Variants in MDGA2 observed in about 807,000 individuals in gnomAD.
MDGA2 encodes MAM domain-containing glycosylphosphatidylinositol anchor protein 2.
MDGA2 carries 40 observed loss-of-function variants against 117.8 expected under a neutral mutation model. That is an observed-to-expected ratio of 0.34 (90% CI 0.26 to 0.44). The LOEUF is 0.44. Among genes scored for constraint, MDGA2 ranks in the 20% least tolerant of loss-of-function variants. MDGA2 has a pLI of 1.00. For missense variants in MDGA2, 1,123 were observed against 1,250.6 expected, an observed-to-expected ratio of 0.90 and a Z score of 1.54; for synonymous variants, 452 against 439.0, an observed-to-expected ratio of 1.03 and a Z score of -0.37.
intron 12 of MDGA2, among the ~76,000 whole-genome samples, chr14:46,876,246 A>G (rs1362527553): frequency 1.3e-5 from 2 of 151,588 alleles, no homozygotes; most frequent in African/African-American, 2.4e-5. Flanking sequence ...AAATTTATAA[A>G]AAGTTGGCAG....
At position 47,498,035 on chromosome 14, in the gene MDGA2, T is replaced by C. The variant is rs375407251; in HGVS notation, c.280+176482A>G. ...ATTCACTTTGTATGTTACTTTCTAA[T>C]AAATATTCCTTTAAGTAAGGATTAG... On this transcript the variant is annotated intron_variant, in intron 1 of 16. Transcript: ENST00000399232. Among the ~76,000 whole-genome samples, 18 of 152,342 alleles carry C rather than the reference T, an allele frequency of 1.2e-4. No homozygotes were observed. In the East Asian group the frequency reaches 3.5e-3, roughly 29 times the overall value.
Position 47,486,849 on chromosome 14 carries a change from G to A in MDGA2, c.281-185299C>T, listed in dbSNP as rs147155830. On this transcript the variant is annotated intron_variant, in intron 1 of 16. Transcript: ENST00000399232. Reference sequence around the variant, plus strand: ...GAGGCTTCCTCAGCCATGTGGAACTGTAAATCCAATTAAACCTCTTTATTT... The same window carrying A: ...GAGGCTTCCTCAGCCATGTGGAACTATAAATCCAATTAAACCTCTTTATTT... 6.8e-4 allele frequency among the ~76,000 whole-genome samples: 103 copies of A among 152,266 alleles called. 1 individual carries two copies. Among genetic ancestry groups the A allele is most frequent in the Middle Eastern group, 3.4e-3 (1 of 294 alleles).
chr14:47,168,367 C>A (rs1442962256), intron 3 of MDGA2, among the ~76,000 whole-genome samples: 1 of 148,906 alleles, frequency 6.7e-6, no homozygotes, highest in African/African-American at 2.5e-5. Flanking sequence ...CATCTATATT[C>A]TATATAATTT....
chr14:47,263,924 C>T (rs1006097242), intron 2 of MDGA2, among the ~76,000 whole-genome samples: 2 of 152,274 alleles, frequency 1.3e-5, no homozygotes, highest in African/African-American at 4.8e-5. Context: ...CCTGTGACCA[C>T]ACTTACATCT....
chr14:47,616,659 T>C (rs1896953201), intron 1 of MDGA2, among the ~76,000 whole-genome samples: 1 of 152,102 alleles, frequency 6.6e-6, no homozygotes, highest in Admixed American at 6.6e-5. Flanking sequence ...ACAACTGAAA[T>C]CTCACTAATT....
chr14:47,157,237 G>C (rs1192017173), intron 3 of MDGA2, among the ~76,000 whole-genome samples: 1 of 152,090 alleles, frequency 6.6e-6, no homozygotes, highest in Non-Finnish European at 1.5e-5. Context: ...AAGACAAAAT[G>C]AATACTTACA....
chr14:47,255,308 GACAA>G (rs1434771180), intron 2 of MDGA2, among the ~76,000 whole-genome samples: 2 of 152,182 alleles, frequency 1.3e-5, no homozygotes, highest in Non-Finnish European at 2.9e-5. Context: ...GGTTTGACTA[GACAA>G]ACAACCCTCC....
At chr14:47,199,038 T>A (rs906540731) in intron 3 of MDGA2, among the ~76,000 whole-genome samples, 1 of 152,124 alleles carries the variant, frequency 6.6e-6, no homozygotes, top group African/African-American at 2.4e-5. Flanking sequence ...TAAGTTTCCA[T>A]CCTGCTGCTT....
chr14:47,635,381 T>C (rs915323740), intron 1 of MDGA2, among the ~76,000 whole-genome samples: 2 of 152,108 alleles, frequency 1.3e-5, no homozygotes, highest in African/African-American at 4.8e-5. Flanking sequence ...GAATATGATA[T>C]CATCAATTTA....
intron 7 of MDGA2, among the ~76,000 whole-genome samples, chr14:47,049,339 T>A (rs947390344): frequency 6.6e-6 from 1 of 152,060 alleles, no homozygotes; most frequent in Non-Finnish European, 1.5e-5. Context: ...TACCAAAATC[T>A]GTAGGTTTTC....
intron 1 of MDGA2, among the ~76,000 whole-genome samples, chr14:47,318,508 C>T (rs140021898): frequency 1.1e-3 from 171 of 152,226 alleles, no homozygotes; most frequent in African/African-American, 3.5e-3. Flanking sequence ...GTACTCAGAG[C>T]TCCATAAACC....
At position 46,864,399 on chromosome 14, in the gene MDGA2, C is replaced by G. The variant is rs1157918479; in HGVS notation, c.2752+9034G>C. On this transcript the variant is annotated intron_variant, in intron 14 of 16. Transcript: ENST00000399232. Reference sequence around the variant, plus strand: ...TAATTATTTTGCCTTATTTTTATGTCTTTACATTTTAGTTCTTTACATTTT... The same window carrying G: ...TAATTATTTTGCCTTATTTTTATGTGTTTACATTTTAGTTCTTTACATTTT... Among the ~76,000 whole-genome samples, 12 of 150,820 alleles carry G rather than the reference C, an allele frequency of 8.0e-5. No individual in the cohort carries two copies. The Admixed American group carries it at 8.0e-4, about 10-fold the overall frequency.
intron 2 of MDGA2, among the ~76,000 whole-genome samples, chr14:47,289,823 A>G (rs951941809): frequency 6.6e-6 from 1 of 152,212 alleles, no homozygotes; most frequent in Middle Eastern, 3.4e-3. Context: ...ATTAAAATAC[A>G]TAGATTTCAC....
intron 1 of MDGA2, among the ~76,000 whole-genome samples, chr14:47,518,927 G>A (rs1425325259): frequency 6.6e-6 from 1 of 152,146 alleles, no homozygotes; most frequent in Non-Finnish European, 1.5e-5. Flanking sequence ...TTATAGGCTG[G>A]GCACAGTGGC....
intron 7 of MDGA2, among the ~76,000 whole-genome samples, chr14:47,040,758 A>C (rs1007157594): frequency 6.6e-6 from 1 of 152,110 alleles, no homozygotes; most frequent in Non-Finnish European, 1.5e-5. Context: ...CTGACTACAC[A>C]CTACGTTGTA....
intron 7 of MDGA2, among the ~76,000 whole-genome samples, chr14:47,044,340 G>C (rs891566176): frequency 6.6e-6 from 1 of 152,040 alleles, no homozygotes; most frequent in Non-Finnish European, 1.5e-5. Context: ...ATGATGCAAG[G>C]AGGTAGAAAT....
intron 15 of MDGA2, among the ~76,000 whole-genome samples, chr14:46,846,595 A>G (rs1341892754): frequency 6.6e-6 from 1 of 152,156 alleles, no homozygotes; most frequent in African/African-American, 2.4e-5. Flanking sequence ...ATCCTTTATT[A>G]TTAAATACTT....
chr14:47,338,388 T>TACATATC (rs1385829080), intron 1 of MDGA2, among the ~76,000 whole-genome samples: 4 of 152,030 alleles, frequency 2.6e-5, no homozygotes, highest in African/African-American at 9.6e-5. Context: ...CTGGATAGAC[T>TACATATC]ACATATCTTG....
At chr14:47,666,740 CTTTCACTCT>C (rs1897978566) in intron 1 of MDGA2, among the ~76,000 whole-genome samples, 1 of 152,128 alleles carries the variant, frequency 6.6e-6, no homozygotes, top group Non-Finnish European at 1.5e-5. Context: ...AAGCTTTGTT[CTTTCACTCT>C]TTGCAATAAA....
Sources: allele counts gnomAD v4.1 joint callset (sites outside exome capture counted in the v4.1 genomes callset), GRCh38; gene constraint gnomAD v4.1.1; transcripts MANE v1.5; gene names NCBI Gene and HGNC (gene_info 2026-07-23, HGNC 2026-07-21).